The following ENOX1 variants were observed in gnomAD, a reference collection of about 807,000 sequenced individuals.
ENOX1 encodes the protein candidate growth-related and time keeping constitutive hydroquinone (NADH) oxidase.
A neutral mutation model predicts 82.5 loss-of-function variants in ENOX1; 42 were observed. The ratio of observed to expected loss-of-function variants is 0.51; its 90% CI spans 0.40 to 0.66. The LOEUF (loss-of-function observed/expected upper bound fraction) is 0.66, where lower values mean the gene tolerates loss of function less well. ENOX1 is among the 30% of genes least tolerant of loss of function. ENOX1 has a pLI of 0.00. For synonymous variants in ENOX1, 271 were observed against 282.2 expected (o/e 0.96, Z 0.40); for missense variants, 608 against 811.6 (o/e 0.75, Z 3.05).
intron 2 of ENOX1, among the ~76,000 whole-genome samples, chr13:43,488,933 T>C (rs2076523574): frequency 6.6e-6 from 1 of 152,198 alleles, no homozygotes; most frequent in African/African-American, 2.4e-5. Context: ...GACTATTTGG[T>C]GGAGTAAATT....
At chr13:43,315,884 A>G (rs555039069) in intron 11 of ENOX1, among the ~76,000 whole-genome samples, 2 of 152,298 alleles carry the variant, frequency 1.3e-5, no homozygotes, top group South Asian at 4.1e-4. Context: ...AAATGCCCAG[A>G]ACACATAATA....
At chr13:43,445,366 G>GCA in intron 3 of ENOX1, among the ~76,000 whole-genome samples, 1 of 152,184 alleles carries the variant, frequency 6.6e-6, no homozygotes, top group Non-Finnish European at 1.5e-5. Flanking sequence ...CTCGTGATCT[G>GCA]CCCGCCTTGG....
intron 3 of ENOX1, among the ~76,000 whole-genome samples, chr13:43,480,135 C>T (rs1360118958): frequency 6.6e-6 from 1 of 152,028 alleles, no homozygotes; most frequent in Non-Finnish European, 1.5e-5. Flanking sequence ...GATGGGATTT[C>T]ACCATGTTGG....
intron 2 of ENOX1, among the ~76,000 whole-genome samples, chr13:43,616,063 T>C (rs1165277615): frequency 6.8e-6 from 1 of 146,308 alleles, no homozygotes; most frequent in Admixed American, 7.0e-5. Flanking sequence ...TACGTGTGCT[T>C]GTGTCTTTAA....
intron 16 of ENOX1, 58 bp downstream of exon 16, chr13:43,223,995 G>C (rs1207269765): frequency 3.8e-6 from 5 of 1,301,784 alleles, no homozygotes; most frequent in Non-Finnish European, 5.5e-6. Context: ...CCACCTGCAG[G>C]CAGCAATCAA....
chr13:43,617,517 T>C (rs1228432055), intron 2 of ENOX1, among the ~76,000 whole-genome samples: 1 of 152,194 alleles, frequency 6.6e-6, no homozygotes, highest in East Asian at 1.9e-4. Context: ...AAAATACACA[T>C]ACAGAATAGC....
chr13:43,433,562 C>T (rs564222175), intron 3 of ENOX1, among the ~76,000 whole-genome samples: 1 of 152,302 alleles, frequency 6.6e-6, no homozygotes, highest in South Asian at 2.1e-4. Flanking sequence ...AAAATACATA[C>T]ACATATATGT....
intron 3 of ENOX1, among the ~76,000 whole-genome samples, chr13:43,471,333 C>T (rs757662382): frequency 6.6e-6 from 1 of 151,870 alleles, no homozygotes; most frequent in African/African-American, 2.4e-5. Context: ...AATATAGATT[C>T]GGGTGCAACA....
chr13:43,404,681 G>A (rs78692732), intron 5 of ENOX1, among the ~76,000 whole-genome samples: 5 of 152,232 alleles, frequency 3.3e-5, no homozygotes, highest in South Asian at 2.1e-4. Flanking sequence ...ATCACTGGTC[G>A]GTCAGGCCAA....
intron 16 of ENOX1, among the ~76,000 whole-genome samples, chr13:43,219,026 A>T (rs1186504816): frequency 6.6e-6 from 1 of 152,090 alleles, no homozygotes; most frequent in Non-Finnish European, 1.5e-5. Context: ...TAAACCAAGC[A>T]CCCAGACCTC....
intron 2 of ENOX1, chr13:43,609,980 G>A (rs1282101809): frequency 2.5e-6 from 2 of 788,478 alleles, no homozygotes; most frequent in Non-Finnish European, 3.1e-6. Context: ...TGTTTTATCA[G>A]GAAATAACTT....
intron 1 of ENOX1, among the ~76,000 whole-genome samples, chr13:43,707,939 GA>G (rs2087424465): frequency 6.6e-6 from 1 of 151,912 alleles, no homozygotes; most frequent in African/African-American, 2.4e-5. Context: ...CAGAGTGGGA[GA>G]GGGGTCCCCC....
At chr13:43,492,319 T>A (rs533802691) in intron 2 of ENOX1, among the ~76,000 whole-genome samples, 2 of 152,322 alleles carry the variant, frequency 1.3e-5, no homozygotes, top group African/African-American at 4.8e-5. Context: ...TTGCTTTGAC[T>A]GAAGCCTTGT....
rs2041723558 is a variant in ENOX1, at chr13:43,220,360, G to GT, written c.1800+3692dup. The stretch of plus-strand genomic sequence containing the variant: ...CACCAGAAGAAGCATGGACTCGAGG[G>GT]TACCTTGCTGTTAATCATGACTCAC... On this transcript the variant is annotated intron_variant, in intron 16 of 16. Coordinates refer to ENST00000690772, the MANE Select transcript of ENOX1 (RefSeq NM_001347969.2). Among the ~76,000 whole-genome samples, 2 of 152,124 alleles carry GT rather than the reference G, an allele frequency of 1.3e-5. 1 individual carries two copies. Among genetic ancestry groups the GT allele is most frequent in the Admixed American group, 1.3e-4 (2 of 15,270 alleles).
At chr13:43,744,593 C>G (rs1285878442) in intron 1 of ENOX1, among the ~76,000 whole-genome samples, 1 of 152,188 alleles carries the variant, frequency 6.6e-6, no homozygotes, top group Middle Eastern at 3.2e-3. Context: ...TTAAAACAAG[C>G]AACCCAAATG....
intron 2 of ENOX1, among the ~76,000 whole-genome samples, chr13:43,539,538 TCAA>T (rs1424328532): frequency 1.3e-5 from 2 of 152,312 alleles, no homozygotes; most frequent in East Asian, 1.9e-4. Flanking sequence ...TAAATTATGA[TCAA>T]CTTTTAATTA....
At chr13:43,731,845 T>C (rs1351626614) in intron 1 of ENOX1, among the ~76,000 whole-genome samples, 1 of 152,184 alleles carries the variant, frequency 6.6e-6, no homozygotes, top group African/African-American at 2.4e-5. Flanking sequence ...TAATACATAA[T>C]GATAATAAAC....
At position 43,348,334 on chromosome 13, in the gene ENOX1, G is replaced by A. The variant is rs373044514; in HGVS notation, c.824-3584C>T. On this transcript the variant is annotated intron_variant, in intron 8 of 16. Transcript: ENST00000690772. ...GTCTCCAGTTTTGAGGGGCTAATAT[G>A]AGAATAAAATTTCCAAAGACATATT... is the stretch of plus-strand genomic sequence containing the variant. 8.8e-4 allele frequency among the ~76,000 whole-genome samples: 134 copies of A among 152,296 alleles called. 1 individual carries two copies. Among genetic ancestry groups the A allele is most frequent in the African/African-American group, 3.1e-3 (129 of 41,554 alleles).
intron 3 of ENOX1, among the ~76,000 whole-genome samples, chr13:43,476,353 A>G (rs573306717): frequency 1.4e-3 from 206 of 152,276 alleles, no homozygotes; most frequent in African/African-American, 4.8e-3. Context: ...TACATCTGGA[A>G]CCTTTAACAA....
Sources: gnomAD v4.1 joint callset for allele counts (sites outside exome capture counted in the v4.1 genomes callset) on GRCh38, gnomAD v4.1.1 for gene constraint, MANE v1.5 for transcripts, NCBI Gene and HGNC (gene_info 2026-07-23, HGNC 2026-07-21) for gene names.